NUP107: variants seen among roughly 807,000 people sequenced by gnomAD.
The protein encoded by NUP107 is nucleoporin 107.
In NUP107, 101 loss-of-function variants were observed where a neutral mutation model predicts 141.0. The ratio of observed to expected loss-of-function variants is 0.72; its 90% CI spans 0.61 to 0.84. The LOEUF (loss-of-function observed/expected upper bound fraction) is 0.84. Among genes scored for constraint, NUP107 ranks in the 40% least tolerant of loss-of-function variants. The pLI is 0.00. For synonymous variants in NUP107, 319 were observed against 363.9 expected (o/e 0.88, Z 1.41); for missense variants, 941 against 1,102.7 (o/e 0.85, Z 2.08).
chr12:68,713,881 C>A, intron 11 of NUP107, 73 bp downstream of exon 11: 4 of 1,185,720 alleles, frequency 3.4e-6, no homozygotes, highest in Non-Finnish European at 4.9e-6. Context: ...AATTTTTTCT[C>A]GTGGATCTTT....
chr12:68,735,359 T>C lies in NUP107; in HGVS notation c.2502+15T>C, dbSNP rs770716354. 8 of 1,591,342 alleles carry C rather than the reference T, an allele frequency of 5.0e-6. No individual in the cohort carries two copies. Among genetic ancestry groups the C allele is most frequent in the Middle Eastern group, 3.3e-4 (2 of 6,024 alleles). On this transcript the variant is annotated intron_variant, in intron 26 of 27. Transcript: ENST00000229179. ...ATGTTAGAGAGGTAAGCTGTGTGCATTGTTTATAGCCAAAAACCAAAACAC... is the reference window on the plus strand; with the variant it reads ...ATGTTAGAGAGGTAAGCTGTGTGCACTGTTTATAGCCAAAAACCAAAACAC...
chr12:68,712,655 T>G (rs1876917487), intron 10 of NUP107, among the ~76,000 whole-genome samples: 1 of 151,390 alleles, frequency 6.6e-6, no homozygotes, highest in Non-Finnish European at 1.5e-5. Context: ...TTTTTTTTTT[T>G]TAGTTAAAAT....
At chr12:68,733,881 G>A (rs1877954314) in intron 24 of NUP107, among the ~76,000 whole-genome samples, 1 of 152,176 alleles carries the variant, frequency 6.6e-6, no homozygotes, top group South Asian at 2.1e-4. Context: ...ATTTTGTGAT[G>A]CATGTCTCAG....
chr12:68,729,732 T>A (rs1032789053), intron 20 of NUP107, among the ~76,000 whole-genome samples: 7 of 151,698 alleles, frequency 4.6e-5, no homozygotes, highest in Admixed American at 6.6e-5. Flanking sequence ...TGTGAGCCAC[T>A]GGCCTACCTA....
chr12:68,743,630 T>A lies in NUP107; in HGVS notation c.*1168T>A, dbSNP rs908423544. 3 of 152,022 alleles carry A rather than the reference T, an allele frequency of 2.0e-5. No individual in the cohort carries two copies. The highest frequency in any genetic ancestry group is 7.2e-5 in the African/African-American group (3 of 41,386). The allele number at this position is 152,022 out of a possible 1,614,324, so 9.4% of individuals were successfully genotyped here. A position where few individuals can be genotyped will look rare whatever the true frequency, so the allele number is the denominator to read the frequency against. On this transcript the variant is annotated 3_prime_UTR_variant, in exon 28 of 28. Transcript: ENST00000229179. Reference sequence around the variant, plus strand: ...AACAAATACACCAAATAGGCTAGAGTGTAGGGCTTATAAACAGGAGACAAC... The same window carrying A: ...AACAAATACACCAAATAGGCTAGAGAGTAGGGCTTATAAACAGGAGACAAC...
chr12:68,698,211 G>A (rs1463259242), intron 6 of NUP107, among the ~76,000 whole-genome samples: 1 of 152,122 alleles, frequency 6.6e-6, no homozygotes, highest in African/African-American at 2.4e-5. Flanking sequence ...GAGGCCAGGA[G>A]TTCAAGACCA....
At position 68,741,719 on chromosome 12, in the gene NUP107, A is replaced by G. The variant is rs541309111; in HGVS notation, c.2503-94A>G. The G allele has an allele frequency of 2.5e-4, 287 of 1,127,194 alleles. 1 individual carries two copies. The East Asian group carries it at 3.4e-3, about 13-fold the overall frequency. The allele number at this position is 1,127,194 out of a possible 1,614,324, so 69.8% of individuals were successfully genotyped here. On this transcript the variant is annotated intron_variant, in intron 26 of 27. Coordinates refer to ENST00000229179, the MANE Select transcript of NUP107 (RefSeq NM_020401.4). ...TTTTGCTGTTAAATCTTGTCTACCA[A>G]TTACATTCTGGGTTTGATTCAGTAC...
chr12:68,729,798 T>C (rs1235051181), intron 20 of NUP107, among the ~76,000 whole-genome samples: 3 of 151,188 alleles, frequency 2.0e-5, no homozygotes, highest in African/African-American at 7.3e-5. Flanking sequence ...GTGAGTCTTT[T>C]TTTTTTTTTT....
intron 3 of NUP107, 170 bp from the exon 4 acceptor site, chr12:68,690,461 T>C (rs1875727474): frequency 1.1e-6 from 1 of 892,234 alleles, no homozygotes; most frequent in Non-Finnish European, 1.7e-6. Context: ...TTTAGAAAAA[T>C]AAGTTAAATC....
At chr12:68,719,481 C>G (rs1269380426) in intron 13 of NUP107, 50 bp downstream of exon 13, 1 of 1,569,546 alleles carries the variant, frequency 6.4e-7, no homozygotes, top group African/African-American at 1.4e-5. Flanking sequence ...GCATTTCGCT[C>G]TAAATGCCAA....
intron 1 of NUP107, among the ~76,000 whole-genome samples, chr12:68,688,656 A>G (rs991601496): frequency 6.6e-6 from 1 of 152,232 alleles, no homozygotes; most frequent in Non-Finnish European, 1.5e-5. Flanking sequence ...ACTTTCATGA[A>G]GCAATTATCT....
chr12:68,712,418 CAAAAA>C (rs745430819), intron 10 of NUP107, among the ~76,000 whole-genome samples: 1 of 63,830 alleles, frequency 1.6e-5, no homozygotes, highest in Non-Finnish European at 3.1e-5. Flanking sequence ...AACTCCATCT[CAAAAA>C]AAAAAAAAAA....
At chr12:68,740,306 T>C (rs1878271723) in intron 26 of NUP107, 1 of 152,226 alleles carries the variant, frequency 6.6e-6, no homozygotes, top group Non-Finnish European at 1.5e-5. Flanking sequence ...GGATCACTAA[T>C]ATGAATTACA....
intron 6 of NUP107, 147 bp downstream of exon 6, chr12:68,697,069 C>T (rs1021943964): frequency 5.4e-5 from 26 of 485,298 alleles, no homozygotes; most frequent in African/African-American, 2.9e-4. Context: ...AGCATCCCTG[C>T]GTCTTACATA....
intron 1 of NUP107, chr12:68,687,282 C>T: frequency 1.4e-6 from 1 of 701,704 alleles, no homozygotes; most frequent in Admixed American, 3.2e-5. Context: ...ATAATAGTCC[C>T]TTACTTTCCC....
Position 68,696,886 on chromosome 12 carries a change from T to C in NUP107, c.516T>C (p.Asp172=), listed in dbSNP as rs1376864737. 1 of 1,610,826 alleles carries C rather than the reference T, an allele frequency of 6.2e-7. No homozygotes were observed. The highest frequency in any genetic ancestry group is 1.6e-4 in the Middle Eastern group (1 of 6,062). Residue 172 remains aspartate (D), a synonymous_variant, in exon 6 of 28, where the codon GAT becomes GAC. Coordinates refer to ENST00000229179, the MANE Select transcript of NUP107 (RefSeq NM_020401.4). ...AGCACTCTTCGAGTACAGTTTTTGA[T>C]CTTGTGGAAGAGTATGAAAACATCT... ...FLKHSSSTVF[D]LVEEYENICG... is the part of the protein sequence containing the mutation.
In NUP107 at chr12:68,743,939, C is replaced by CA. The variant is rs1437394854; in HGVS notation, c.*1483dup. On this transcript the variant is annotated 3_prime_UTR_variant, in exon 28 of 28. Transcript: ENST00000229179. The stretch of plus-strand genomic sequence containing the variant: ...TCATGATTATTGCTATGCTACTTTG[C>CA]AAAAAATAAAAACAAAAAATTCATA... The CA allele has an allele frequency of 6.6e-6, 1 of 151,926 alleles. No individual in the cohort carries two copies. 9.4% of individuals were successfully genotyped at this position (151,926 alleles called of 1,614,324 possible).
chr12:68,695,862 G>C (rs1876025197), intron 5 of NUP107, among the ~76,000 whole-genome samples: 1 of 151,990 alleles, frequency 6.6e-6, no homozygotes, highest in African/African-American at 2.4e-5. Flanking sequence ...AATTAGCTGG[G>C]CATGGTGGCT....
In NUP107 at chr12:68,731,667, G is replaced by A. The variant is rs771864809; in HGVS notation, c.1946G>A (p.Gly649Asp). The A allele has an allele frequency of 6.3e-7, 1 of 1,587,814 alleles. No homozygotes were observed. The highest frequency in any genetic ancestry group is 1.2e-5 in the South Asian group (1 of 85,582). The change falls in exon 22 of 28, where the codon GGT becomes GAT. Residue 649 changes from glycine to aspartate, a missense_variant. Coordinates refer to ENST00000229179, the MANE Select transcript of NUP107 (RefSeq NM_020401.4). ...VVENIRKKDNGEFSHHDLAPA... is the reference protein window; with the variant it reads ...VVENIRKKDNDEFSHHDLAPA... ...GAGAATATTCGAAAGAAAGATAATG[G>A]TGAATTTAGTCATCATGACCTGGCC...
Sources: gnomAD v4.1 joint callset for allele counts (sites outside exome capture counted in the v4.1 genomes callset) on GRCh38, gnomAD v4.1.1 for gene constraint, MANE v1.5 for transcripts, NCBI Gene and HGNC (gene_info 2026-07-23, HGNC 2026-07-21) for gene names.